The following VAV3 variants were observed in gnomAD, a reference collection of about 807,000 sequenced individuals.
The protein encoded by VAV3 is guanine nucleotide exchange factor VAV3.
A neutral mutation model predicts 131.2 loss-of-function variants in VAV3; 94 were observed. The ratio of observed to expected loss-of-function variants is 0.72; its 90% CI spans 0.61 to 0.85. The LOEUF is 0.85. Among genes scored for constraint, VAV3 ranks in the 40% least tolerant of loss-of-function variants. VAV3 has a pLI of 0.00. For synonymous variants in VAV3, 349 were observed against 342.0 expected, an observed-to-expected ratio of 1.02 and a Z score of -0.22; for missense variants, 939 against 1,002.7, an observed-to-expected ratio of 0.94 and a Z score of 0.86.
At chr1:107,700,233 A>G (rs573617459) in intron 17 of VAV3, among the ~76,000 whole-genome samples, 221 of 152,326 alleles carry the variant, frequency 1.5e-3, no homozygotes, top group African/African-American at 5.2e-3. Flanking sequence ...TCAACTTTCA[A>G]CTTCCTTATG....
intron 20 of VAV3, among the ~76,000 whole-genome samples, chr1:107,624,453 A>T (rs1467737002): frequency 6.6e-6 from 1 of 151,684 alleles, no homozygotes; most frequent in East Asian, 1.9e-4. Context: ...AGAAAAAAAA[A>T]ATTTGGCAAC....
chr1:107,850,913 C>T (rs1669188406), intron 2 of VAV3, among the ~76,000 whole-genome samples: 2 of 151,870 alleles, frequency 1.3e-5, no homozygotes, highest in Admixed American at 1.3e-4. Flanking sequence ...AACCAAGCAA[C>T]AGTACAGGTA....
At position 107,964,765 on chromosome 1, in the gene VAV3, C is replaced by A; in HGVS notation, c.105G>T (p.Gln35His). Reference sequence around the variant, plus strand: ...AGAGCAGGACTCCATCGCGGAGGGTCTGCGCAAGGTCGAACACCTGAGCCG... The same window carrying A: ...AGAGCAGGACTCCATCGCGGAGGGTATGCGCAAGGTCGAACACCTGAGCCG... ...WDSAQVFDLA[Q>H]TLRDGVLLCQ... is the part of the protein sequence containing the mutation. The change falls in exon 1 of 27, where the codon CAG becomes CAT. Residue 35 changes from glutamine to histidine, a missense_variant. Coordinates refer to ENST00000370056, the MANE Select transcript of VAV3 (RefSeq NM_006113.5). 1.9e-6 allele frequency: 3 copies of A among 1,614,114 alleles called. No homozygotes were observed. Among genetic ancestry groups the A allele is most frequent in the Non-Finnish European group, 2.5e-6 (3 of 1,180,028 alleles).
chr1:107,592,042 CAT>C lies in VAV3; in HGVS notation c.2350+4168_2350+4169del, dbSNP rs748182552. ...CAAAATATGTTACTATACACACACA[CAT>C]ATATATACATACGTGTGTGTGTGTG... On this transcript the variant is annotated intron_variant, in intron 25 of 26. Coordinates refer to ENST00000370056, the MANE Select transcript of VAV3 (RefSeq NM_006113.5). 2.7e-5 allele frequency among the ~76,000 whole-genome samples: 4 copies of C among 149,642 alleles called. No individual in the cohort carries two copies. The East Asian group carries it at 6.2e-4, about 23-fold the overall frequency.
At chr1:107,790,493 C>G (rs1450832578) in intron 2 of VAV3, among the ~76,000 whole-genome samples, 1 of 152,166 alleles carries the variant, frequency 6.6e-6, no homozygotes, top group Non-Finnish European at 1.5e-5. Context: ...GAATGGCACA[C>G]AGTGCCAGAG....
chr1:107,840,265 T>C (rs958296557), intron 2 of VAV3, among the ~76,000 whole-genome samples: 1 of 152,192 alleles, frequency 6.6e-6, no homozygotes, highest in African/African-American at 2.4e-5. Context: ...TTAAATTCAA[T>C]ACATAAAAAG....
rs1653067255 is a variant in VAV3, at chr1:107,615,379, C to G, written c.1980+2188G>C. On this transcript the variant is annotated intron_variant, in intron 21 of 26. Transcript: ENST00000370056. ...GCAGCTAAACATTTGATAAATGATG[C>G]TGGGATAACTGGCTAGCCATATGCA... Among the ~76,000 whole-genome samples the G allele has an allele frequency of 2.0e-5, 3 of 152,218 alleles. No homozygotes were observed. In the South Asian group the frequency reaches 6.2e-4, roughly 32 times the overall value.
chr1:107,769,393 C>T (rs189441382), intron 6 of VAV3, among the ~76,000 whole-genome samples: 45 of 152,338 alleles, frequency 3.0e-4, no homozygotes, highest in Admixed American at 6.5e-4. Context: ...GCCTGTAACG[C>T]TACATAGTGC....
At position 107,819,371 on chromosome 1, in the gene VAV3, C is replaced by T. The variant is rs554552589; in HGVS notation, c.322-39879G>A. Among the ~76,000 whole-genome samples the T allele has an allele frequency of 3.3e-5, 5 of 151,880 alleles. No homozygotes were observed. The South Asian group carries it at 1.0e-3, about 32-fold the overall frequency. On this transcript the variant is annotated intron_variant, in intron 2 of 26. Coordinates refer to ENST00000370056, the MANE Select transcript of VAV3 (RefSeq NM_006113.5). ...AATATATTAATTCTTATTTCAAAAA[C>T]AAGAGAAAATGATATTAGAGACAGG...
Position 107,860,898 on chromosome 1 carries a change from C to T in VAV3, c.321+14003G>A, listed in dbSNP as rs547298444. 7.2e-4 allele frequency among the ~76,000 whole-genome samples: 109 copies of T among 151,752 alleles called. 1 individual carries two copies. The highest frequency in any genetic ancestry group is 2.5e-3 in the African/African-American group (104 of 41,536). On this transcript the variant is annotated intron_variant, in intron 2 of 26. Coordinates refer to ENST00000370056, the MANE Select transcript of VAV3 (RefSeq NM_006113.5). ...AAAGAAGACAACAAAGAAGAAAAGA[C>T]TTACAGAAACATAACAATCTTCAAA...
chr1:107,890,783 C>G (rs1465708245), intron 1 of VAV3, among the ~76,000 whole-genome samples: 1 of 152,148 alleles, frequency 6.6e-6, no homozygotes. Flanking sequence ...AAATCTGCAC[C>G]AAACTTAGCC....
At chr1:107,698,898 T>C (rs1239935383) in intron 17 of VAV3, among the ~76,000 whole-genome samples, 1 of 152,136 alleles carries the variant, frequency 6.6e-6, no homozygotes, top group Non-Finnish European at 1.5e-5. Flanking sequence ...TTATTCACTA[T>C]CATGAGAACA....
At position 107,749,498 on chromosome 1, in the gene VAV3, T is replaced by C. The variant is rs1440825480; in HGVS notation, c.1356A>G (p.Ile452Met). The C allele has an allele frequency of 6.2e-6, 10 of 1,608,530 alleles. No homozygotes were observed. Among genetic ancestry groups the C allele is most frequent in the South Asian group, 5.6e-5 (5 of 89,346 alleles). Residue 452 changes from isoleucine to methionine, a missense_variant, in exon 14 of 27, where the codon ATA (isoleucine) becomes ATG (methionine). Coordinates refer to ENST00000370056, the MANE Select transcript of VAV3 (RefSeq NM_006113.5). Reference protein sequence around the residue: ...KEIIDLQQYKIANNPTTDKEN... With the variant: ...KEIIDLQQYKMANNPTTDKEN... The stretch of plus-strand genomic sequence containing the variant: ...CTTTATCGGTTGTAGGATTATTGGC[T>C]ATCTTGTACTGCTGAAGATCTATTA...
At chr1:107,653,682 A>C (rs953804005) in intron 19 of VAV3, among the ~76,000 whole-genome samples, 5 of 152,148 alleles carry the variant, frequency 3.3e-5, no homozygotes, top group Non-Finnish European at 1.5e-5. Context: ...TACATTTATC[A>C]GTTTAAAATC....
rs906514767 is a variant in VAV3, at chr1:107,658,914, A to G, written c.1778-16159T>C. Among the ~76,000 whole-genome samples, 66 of 152,022 alleles carry G rather than the reference A, an allele frequency of 4.3e-4. 2 individuals carry two copies. The highest frequency in any genetic ancestry group is 2.8e-4 in the Non-Finnish European group (19 of 67,986). Reference sequence around the variant, plus strand: ...TTCTGTAGGTTGTCTGTTCACTCTGATGGTGGTTTCTTTTGCTGTGCAGAA... The same window carrying G: ...TTCTGTAGGTTGTCTGTTCACTCTGGTGGTGGTTTCTTTTGCTGTGCAGAA... On this transcript the variant is annotated intron_variant, in intron 19 of 26. Coordinates refer to ENST00000370056, the MANE Select transcript of VAV3 (RefSeq NM_006113.5).
intron 25 of VAV3, chr1:107,576,555 C>T (rs1649665072): frequency 9.0e-7 from 1 of 1,115,158 alleles, no homozygotes; most frequent in Non-Finnish European, 1.2e-6. Flanking sequence ...CCATTTTCAC[C>T]CACTTCTTTC....
chr1:107,701,380 G>A (rs950920219), intron 17 of VAV3, among the ~76,000 whole-genome samples: 1 of 152,046 alleles, frequency 6.6e-6, no homozygotes, highest in Non-Finnish European at 1.5e-5. Flanking sequence ...GCCATGGCTG[G>A]AGCAGCTGGG....
At chr1:107,631,074 A>AT (rs1180246920) in intron 20 of VAV3, among the ~76,000 whole-genome samples, 3 of 152,118 alleles carry the variant, frequency 2.0e-5, no homozygotes, top group Admixed American at 6.6e-5. Context: ...TTAGCAAGTG[A>AT]TTTTTTAAAT....
intron 2 of VAV3, among the ~76,000 whole-genome samples, chr1:107,785,265 C>T (rs1314672482): frequency 6.6e-6 from 1 of 152,128 alleles, no homozygotes; most frequent in Non-Finnish European, 1.5e-5. Flanking sequence ...AAGGCACAGC[C>T]ACAGTAACCA....
Sources: allele counts gnomAD v4.1 joint callset (sites outside exome capture counted in the v4.1 genomes callset), GRCh38; gene constraint gnomAD v4.1.1; transcripts MANE v1.5; gene names NCBI Gene and HGNC (gene_info 2026-07-23, HGNC 2026-07-21).